IL1RAPL1: variants seen among roughly 807,000 people sequenced by gnomAD.
IL1RAPL1 encodes the protein interleukin 1 receptor accessory protein like 1, also known as interleukin-1 receptor accessory protein-like 1.
Under a neutral mutation model 48.4 loss-of-function variants are expected in IL1RAPL1, and 3 were observed. The observed-to-expected ratio is 0.06, with a 90% CI of 0.03 to 0.16. The LOEUF is 0.16. Ranked by LOEUF, IL1RAPL1 falls within the 10% of genes least tolerant of loss-of-function variation. The pLI is 1.00. For synonymous variants in IL1RAPL1, 185 were observed against 187.7 expected (o/e 0.99, Z 0.12); for missense variants, 349 against 530.6 (o/e 0.66, Z 3.36).
At chrX:29,584,641 CCTCCCAGG>C (rs1332020505) in intron 5 of IL1RAPL1, among the ~76,000 whole-genome samples, 2 of 111,497 alleles carry the variant, frequency 1.8e-5, no homozygotes, top group Non-Finnish European at 3.8e-5. Context: ...GCAGCATGGA[CCTCCCAGG>C]CTCAAGTGAT....
chrX:29,173,786 A>G (rs1929953440), intron 2 of IL1RAPL1, among the ~76,000 whole-genome samples: 1 of 112,190 alleles, frequency 8.9e-6, no homozygotes, highest in Admixed American at 9.5e-5. Flanking sequence ...AGAATATGAA[A>G]CTGTCTGGAT....
intron 5 of IL1RAPL1, among the ~76,000 whole-genome samples, chrX:29,495,079 G>GTC (rs1432921506): frequency 8.9e-6 from 1 of 112,057 alleles, no homozygotes; most frequent in Non-Finnish European, 1.9e-5. Context: ...CCAAATTATA[G>GTC]TCATTGAGGT....
At chrX:29,011,149 C>G (rs1006429038) in intron 2 of IL1RAPL1, among the ~76,000 whole-genome samples, 12 of 111,492 alleles carry the variant, frequency 1.1e-4, no homozygotes, top group African/African-American at 3.6e-4. Context: ...ATACAGATAG[C>G]CCATAGGGAC....
At chrX:29,123,754 G>A (rs1232557714) in intron 2 of IL1RAPL1, among the ~76,000 whole-genome samples, 1 of 111,831 alleles carries the variant, frequency 8.9e-6, no homozygotes, top group East Asian at 2.8e-4. Flanking sequence ...CTGGCCCCAT[G>A]TGGCTGTTGA....
intron 5 of IL1RAPL1, among the ~76,000 whole-genome samples, chrX:29,664,084 C>G (rs1925925262): frequency 8.9e-6 from 1 of 112,035 alleles, no homozygotes; most frequent in Non-Finnish European, 1.9e-5. Flanking sequence ...TGTGTGAAAT[C>G]TTTCCTACTC....
At chrX:28,872,938 A>G (rs1922243957) in intron 2 of IL1RAPL1, among the ~76,000 whole-genome samples, 1 of 111,029 alleles carries the variant, frequency 9.0e-6, no homozygotes. Context: ...TCCTTCTCTT[A>G]TTAGCTTCAT....
At chrX:29,894,769 TACAC>T (rs915729856) in intron 6 of IL1RAPL1, among the ~76,000 whole-genome samples, 2 of 109,841 alleles carry the variant, frequency 1.8e-5, no homozygotes, top group African/African-American at 6.9e-5. Flanking sequence ...CTTAAAATTG[TACAC>T]ACAAAAAATA....
At chrX:29,022,030 G>T (rs779136286) in intron 2 of IL1RAPL1, among the ~76,000 whole-genome samples, 2 of 111,594 alleles carry the variant, frequency 1.8e-5, no homozygotes, top group South Asian at 3.8e-4. Flanking sequence ...ACCCCTTTCT[G>T]CACTTTTTGG....
At chrX:28,610,736 T>G (rs1191894387) in intron 1 of IL1RAPL1, among the ~76,000 whole-genome samples, 2 of 110,845 alleles carry the variant, frequency 1.8e-5, no homozygotes, top group Non-Finnish European at 3.8e-5. Context: ...GTCCTAGAAG[T>G]CACTGTTGCT....
At chrX:29,194,240 T>C (rs1205137348) in intron 2 of IL1RAPL1, among the ~76,000 whole-genome samples, 1 of 112,954 alleles carries the variant, frequency 8.9e-6, no homozygotes, top group African/African-American at 3.2e-5. Flanking sequence ...AATTTAGCCA[T>C]GTAAATGCTT....
intron 6 of IL1RAPL1, among the ~76,000 whole-genome samples, chrX:29,838,172 C>A (rs990267990): frequency 8.9e-6 from 1 of 111,917 alleles, no homozygotes; most frequent in African/African-American, 3.3e-5. Context: ...GGTTCAGAAC[C>A]AAATCTGATT....
intron 6 of IL1RAPL1, among the ~76,000 whole-genome samples, chrX:29,676,410 A>G (rs1331265424): frequency 1.8e-5 from 2 of 111,915 alleles, no homozygotes; most frequent in Non-Finnish European, 3.8e-5. Context: ...CAGCAGATAC[A>G]GCCTTCATTA....
rs146172722 is a variant in IL1RAPL1, at chrX:29,190,498, C to T, written c.83-92440C>T. ...TTAGTCAAAGTTGTTGTGAACATGA[C>T]AAAATACTAAAAGCACTTAGCACAG... On this transcript the variant is annotated intron_variant, in intron 2 of 10. Coordinates refer to ENST00000378993, the MANE Select transcript of IL1RAPL1 (RefSeq NM_014271.4). Among the ~76,000 whole-genome samples the T allele has an allele frequency of 2.2e-3, 245 of 111,827 alleles. 1 individual carries two copies. Among genetic ancestry groups the T allele is most frequent in the African/African-American group, 7.6e-3 (235 of 30,838 alleles).
At chrX:28,807,913 A>C (rs770271470) in intron 2 of IL1RAPL1, among the ~76,000 whole-genome samples, 32 of 110,778 alleles carry the variant, frequency 2.9e-4, no homozygotes, top group Admixed American at 8.7e-4. Flanking sequence ...AGAAAACTCC[A>C]TCAAATGGAA....
intron 6 of IL1RAPL1, among the ~76,000 whole-genome samples, chrX:29,713,619 AACAAGCCCTTCAGGTG>A (rs1398911107): frequency 2.7e-5 from 3 of 111,482 alleles, no homozygotes; most frequent in African/African-American, 9.8e-5. Context: ...GGTGTGGTTT[AACAAGCCCTTCAGGTG>A]ACTGTGATTC....
At chrX:28,613,602 A>G (rs1317920146) in intron 1 of IL1RAPL1, among the ~76,000 whole-genome samples, 1 of 112,498 alleles carries the variant, frequency 8.9e-6, no homozygotes, top group Admixed American at 9.4e-5. Context: ...TCTGTACTGA[A>G]GAGCCTTTAG....
At chrX:28,764,794 T>C (rs1372330569) in intron 1 of IL1RAPL1, among the ~76,000 whole-genome samples, 1 of 109,744 alleles carries the variant, frequency 9.1e-6, no homozygotes, top group African/African-American at 3.4e-5. Flanking sequence ...TTCATGCTTT[T>C]GAATATAAAC....
At chrX:28,926,743 A>G (rs1214307812) in intron 2 of IL1RAPL1, among the ~76,000 whole-genome samples, 1 of 111,282 alleles carries the variant, frequency 9.0e-6, no homozygotes, top group Non-Finnish European at 1.9e-5. Flanking sequence ...ACTGATTTTC[A>G]CACCTTCTTC....
chrX:28,671,186 T>G (rs1429032019), intron 1 of IL1RAPL1, among the ~76,000 whole-genome samples: 1 of 112,156 alleles, frequency 8.9e-6, no homozygotes, highest in Non-Finnish European at 1.9e-5. Flanking sequence ...CCACATATTT[T>G]CTAACTGCTA....
Sources: allele counts gnomAD v4.1 joint callset (sites outside exome capture counted in the v4.1 genomes callset), GRCh38; gene constraint gnomAD v4.1.1; transcripts MANE v1.5; gene names NCBI Gene and HGNC (gene_info 2026-07-23, HGNC 2026-07-21).